The following XYLT1 variants were observed in gnomAD, a reference collection of about 807,000 sequenced individuals.
XYLT1 encodes beta-D-xylosyltransferase 1.
A neutral mutation model predicts 91.3 loss-of-function variants in XYLT1; 36 were observed. The ratio of observed to expected loss-of-function variants is 0.39; its 90% CI spans 0.30 to 0.52. XYLT1 has a LOEUF of 0.52. Ranked by LOEUF, XYLT1 falls within the 20% of genes least tolerant of loss-of-function variation. The probability of loss-of-function intolerance (pLI) is 0.68; values close to 1 mark genes in which losing one functional copy is unlikely to be tolerated. For synonymous variants in XYLT1, 588 were observed against 532.0 expected, an observed-to-expected ratio of 1.11 and a Z score of -1.45; for missense variants, 1,242 against 1,284.5, an observed-to-expected ratio of 0.97 and a Z score of 0.51.
intron 3 of XYLT1, among the ~76,000 whole-genome samples, chr16:17,218,410 C>T (rs2032901468): frequency 6.6e-6 from 1 of 150,914 alleles, no homozygotes; most frequent in African/African-American, 2.4e-5. Context: ...TTTAAGACTT[C>T]TGTAGGGTAA....
intron 1 of XYLT1, among the ~76,000 whole-genome samples, chr16:17,366,822 G>A (rs975210857): frequency 1.3e-5 from 2 of 152,188 alleles, no homozygotes; most frequent in African/African-American, 2.4e-5. Context: ...TCATTCATTA[G>A]TGGGTGGTGA....
At chr16:17,360,436 T>G (rs2035365881) in intron 1 of XYLT1, among the ~76,000 whole-genome samples, 1 of 152,222 alleles carries the variant, frequency 6.6e-6, no homozygotes. Context: ...ATCAGAGACC[T>G]TATCAGTGCA....
intron 3 of XYLT1, among the ~76,000 whole-genome samples, chr16:17,228,189 C>A (rs1277924786): frequency 3.3e-5 from 5 of 152,172 alleles, no homozygotes; most frequent in Admixed American, 3.3e-4. Flanking sequence ...GGAAGCCCAA[C>A]TGTAAATGAG....
chr16:17,204,966 C>CAAAAAAAA, intron 3 of XYLT1, among the ~76,000 whole-genome samples: 1 of 81,272 alleles, frequency 1.2e-5, no homozygotes, highest in Non-Finnish European at 2.4e-5. Flanking sequence ...TGCCCAGCTC[C>CAAAAAAAA]AAAAAAAAAA....
intron 10 of XYLT1, among the ~76,000 whole-genome samples, chr16:17,125,081 C>T (rs2030211829): frequency 6.6e-6 from 1 of 152,018 alleles, no homozygotes; most frequent in African/African-American, 2.4e-5. Context: ...AATTGTTTTT[C>T]TGGTAATTCA....
intron 2 of XYLT1, among the ~76,000 whole-genome samples, chr16:17,343,630 G>A (rs4781999): frequency 6.6e-6 from 1 of 151,904 alleles, no homozygotes; most frequent in Non-Finnish European, 1.5e-5. Context: ...GCCACTACAC[G>A]CAGATTATGT....
At chr16:17,155,979 A>G (rs2031397554) in intron 6 of XYLT1, among the ~76,000 whole-genome samples, 1 of 152,246 alleles carries the variant, frequency 6.6e-6, no homozygotes, top group African/African-American at 2.4e-5. Context: ...TATGCTTATC[A>G]TAACAATGAC....
At chr16:17,165,918 C>T (rs1170332852) in intron 5 of XYLT1, among the ~76,000 whole-genome samples, 4 of 152,194 alleles carry the variant, frequency 2.6e-5, no homozygotes, top group Non-Finnish European at 4.4e-5. Context: ...GCAAACTACA[C>T]GGAATGAGAC....
At chr16:17,451,619 C>T (rs907829516) in intron 1 of XYLT1, among the ~76,000 whole-genome samples, 3 of 152,214 alleles carry the variant, frequency 2.0e-5, no homozygotes, top group Non-Finnish European at 4.4e-5. Flanking sequence ...TAGAAAACTT[C>T]TACTATGTGA....
chr16:17,291,911 G>A (rs2034232917), intron 2 of XYLT1, among the ~76,000 whole-genome samples: 3 of 152,070 alleles, frequency 2.0e-5, no homozygotes, highest in Admixed American at 2.0e-4. Flanking sequence ...GGATGGCCAG[G>A]CACGGTAGCT....
At chr16:17,387,986 T>G (rs1338422812) in intron 1 of XYLT1, among the ~76,000 whole-genome samples, 1 of 152,170 alleles carries the variant, frequency 6.6e-6, no homozygotes, top group African/African-American at 2.4e-5. Context: ...GCTCGTGACT[T>G]ATAATGGGTT....
At chr16:17,446,169 T>C (rs1173473947) in intron 1 of XYLT1, 1 of 152,184 alleles carries the variant, frequency 6.6e-6, no homozygotes, top group African/African-American at 2.4e-5. Flanking sequence ...CCAAGCCCAG[T>C]TGTGCAGGCT....
At position 17,108,644 on chromosome 16, in the gene XYLT1, T is replaced by G; in HGVS notation, c.*51A>C. The G allele has an allele frequency of 6.7e-7, 1 of 1,502,178 alleles. No homozygotes were observed. Among genetic ancestry groups the G allele is most frequent in the Middle Eastern group, 2.5e-4 (1 of 4,034 alleles). 93.1% of individuals were successfully genotyped at this position (1,502,178 alleles called of 1,614,324 possible). A position where few individuals can be genotyped will look rare whatever the true frequency, so the allele number is the denominator to read the frequency against. On this transcript the variant is annotated 3_prime_UTR_variant, in exon 12 of 12. Coordinates refer to ENST00000261381, the MANE Select transcript of XYLT1 (RefSeq NM_022166.4). ...CGGGGTTCAGGCCCCACAACCCCTC[T>G]GGCTGCTTTCCCGTTGAGATCCTGC...
intron 2 of XYLT1, among the ~76,000 whole-genome samples, chr16:17,316,120 C>T (rs141143203): frequency 3.3e-3 from 509 of 152,308 alleles, no homozygotes; most frequent in Middle Eastern, 6.8e-3. Context: ...CTCCCCGAAG[C>T]GCACAGCTTT....
chr16:17,246,065 T>C (rs563107378), intron 3 of XYLT1, among the ~76,000 whole-genome samples: 1 of 152,322 alleles, frequency 6.6e-6, no homozygotes, highest in East Asian at 1.9e-4. Context: ...GCTGCTCCTA[T>C]AGACACCAAA....
At chr16:17,395,466 C>T (rs1354489891) in intron 1 of XYLT1, among the ~76,000 whole-genome samples, 1 of 152,164 alleles carries the variant, frequency 6.6e-6, no homozygotes, top group Non-Finnish European at 1.5e-5. Context: ...GCCATGATCG[C>T]ACCACTGCAC....
intron 1 of XYLT1, 116 bp downstream of exon 1, chr16:17,470,318 T>C: frequency 8.6e-7 from 1 of 1,157,324 alleles, no homozygotes; most frequent in Non-Finnish European, 1.1e-6. Flanking sequence ...CGATGTGGAG[T>C]CGGTAGGCTT....
intron 7 of XYLT1, 122 bp from the exon 8 acceptor site, chr16:17,138,653 G>GCATCT (rs1190491485): frequency 8.3e-7 from 1 of 1,206,244 alleles, no homozygotes; most frequent in Non-Finnish European, 1.2e-6. Context: ...AAAGAATGTG[G>GCATCT]CATCTCATCA....
intron 1 of XYLT1, among the ~76,000 whole-genome samples, chr16:17,422,604 G>A (rs2036263529): frequency 6.6e-6 from 1 of 152,084 alleles, no homozygotes; most frequent in Non-Finnish European, 1.5e-5. Context: ...CCGCCTCCTG[G>A]GTTCAAGCGA....
Sources: allele counts gnomAD v4.1 joint callset (sites outside exome capture counted in the v4.1 genomes callset), GRCh38; gene constraint gnomAD v4.1.1; transcripts MANE v1.5; gene names NCBI Gene and HGNC (gene_info 2026-07-23, HGNC 2026-07-21).